LGR6: variants seen among roughly 807,000 people sequenced by gnomAD.
LGR6 encodes the protein leucine rich repeat containing G protein-coupled receptor 6.
A neutral mutation model predicts 69.4 loss-of-function variants in LGR6; 45 were observed. That is an observed-to-expected ratio of 0.65 (90% CI 0.51 to 0.83). The LOEUF is 0.83. LGR6 is among the 40% of genes least tolerant of loss of function. The pLI is 0.00. For synonymous variants in LGR6, 538 were observed against 555.0 expected (o/e 0.97, Z 0.43); for missense variants, 1,108 against 1,246.7 (o/e 0.89, Z 1.68).
At chr1:202,266,106 T>TAAAAAAAAAAAAAAAAA in intron 4 of LGR6, among the ~76,000 whole-genome samples, 1 of 143,870 alleles carries the variant, frequency 7.0e-6, no homozygotes. Flanking sequence ...CTTTCCAGAT[T>TAAAAAAAAAAAAAAAAA]AAAAAAAAAA....
chr1:202,277,364 T>A (rs1343151412), intron 5 of LGR6, among the ~76,000 whole-genome samples: 1 of 151,958 alleles, frequency 6.6e-6, no homozygotes, highest in Non-Finnish European at 1.5e-5. Flanking sequence ...TAATTCTCTG[T>A]CCTGGGAAGC....
chr1:202,274,691 G>A (rs1003945361), intron 4 of LGR6, among the ~76,000 whole-genome samples: 8 of 152,222 alleles, frequency 5.3e-5, no homozygotes, highest in Non-Finnish European at 1.0e-4. Context: ...TGCTGGGGCT[G>A]ATGGTCCATG....
intron 1 of LGR6, among the ~76,000 whole-genome samples, chr1:202,207,782 T>G (rs886135839): frequency 3.9e-5 from 6 of 152,190 alleles, no homozygotes; most frequent in Non-Finnish European, 8.8e-5. Context: ...AGTTAATATA[T>G]GCAAAGTGCC....
intron 6 of LGR6, among the ~76,000 whole-genome samples, chr1:202,293,172 G>A (rs1666913976): frequency 6.6e-6 from 1 of 152,202 alleles, no homozygotes; most frequent in Non-Finnish European, 1.5e-5. Context: ...CAGATAAGAA[G>A]TGTATAGCAG....
intron 4 of LGR6, among the ~76,000 whole-genome samples, chr1:202,240,170 C>T (rs985946682): frequency 2.0e-5 from 3 of 152,066 alleles, no homozygotes; most frequent in South Asian, 2.1e-4. Context: ...CTCAGGAGTT[C>T]AAGACCAGCC....
chr1:202,288,686 G>A (rs1330004946), intron 6 of LGR6, among the ~76,000 whole-genome samples: 1 of 152,262 alleles, frequency 6.6e-6, no homozygotes, highest in East Asian at 1.9e-4. Context: ...CCAGGAGCTG[G>A]CACAGGTGTC....
intron 4 of LGR6, among the ~76,000 whole-genome samples, chr1:202,265,599 T>C (rs983603304): frequency 1.3e-5 from 2 of 152,198 alleles, no homozygotes; most frequent in Non-Finnish European, 2.9e-5. Flanking sequence ...AACAGTGAAC[T>C]CAAAGAACAC....
Position 202,307,261 on chromosome 1 carries a change from G to A in LGR6, c.1209-69G>A, listed in dbSNP as rs535861752. 16 of 1,455,156 alleles carry A rather than the reference G, an allele frequency of 1.1e-5. No individual in the cohort carries two copies. The South Asian group carries it at 1.7e-4, about 16-fold the overall frequency. The allele number at this position is 1,455,156 out of a possible 1,614,324, so 90.1% of individuals were successfully genotyped here. ...GTCAGATGGGGGTATGTGAGGGGGA[G>A]CCCATGATGGGAACAGTGAGTCCTC... On this transcript the variant is annotated intron_variant, in intron 13 of 17. Coordinates refer to ENST00000367278, the MANE Select transcript of LGR6 (RefSeq NM_001017403.2).
intron 1 of LGR6, among the ~76,000 whole-genome samples, chr1:202,218,480 T>C (rs765241021): frequency 3.0e-4 from 45 of 152,110 alleles, no homozygotes; most frequent in Non-Finnish European, 4.6e-4. Context: ...TAATTTTGTA[T>C]AGGGATGAGG....
At chr1:202,252,486 C>T (rs1448031050) in intron 4 of LGR6, among the ~76,000 whole-genome samples, 1 of 152,208 alleles carries the variant, frequency 6.6e-6, no homozygotes, top group Non-Finnish European at 1.5e-5. Flanking sequence ...GGTGCAGCCC[C>T]TGGGCTCCTG....
At chr1:202,259,635 G>A (rs1048311977) in intron 4 of LGR6, among the ~76,000 whole-genome samples, 2 of 152,016 alleles carry the variant, frequency 1.3e-5, no homozygotes, top group Non-Finnish European at 2.9e-5. Flanking sequence ...CTTTTTAAAG[G>A]CTTAATTGAT....
chr1:202,235,796 G>A (rs1043909702), intron 3 of LGR6, 126 bp from the exon 4 acceptor site: 17 of 740,058 alleles, frequency 2.3e-5, no homozygotes, highest in Non-Finnish European at 3.5e-5. Flanking sequence ...CTCTCTCTGG[G>A]GCTCTGAGGC....
At chr1:202,317,922 C>A (rs374596171) in intron 17 of LGR6, 30 bp from the exon 18 acceptor site, 95 of 1,559,364 alleles carry the variant, frequency 6.1e-5, no homozygotes, top group Non-Finnish European at 7.6e-5. Context: ...CATCCTCTGG[C>A]CCAGGGTTAA....
chr1:202,204,018 TTGTC>T, intron 1 of LGR6: 2 of 667,652 alleles, frequency 3.0e-6, no homozygotes, highest in Non-Finnish European at 5.5e-6. Context: ...GTCTGTATGT[TTGTC>T]TGATTGTGAT....
chr1:202,306,762 CAGG>C (rs1197619842), intron 12 of LGR6, 103 bp from the exon 13 acceptor site: 15 of 1,016,106 alleles, frequency 1.5e-5, no homozygotes, highest in Non-Finnish European at 2.3e-5. Context: ...CTTCCTGTGC[CAGG>C]AGAAGTGGGG....
At chr1:202,262,935 CTTTTATTTTATTTTATTTTATTTTA>C (rs58749601) in intron 4 of LGR6, among the ~76,000 whole-genome samples, 1 of 146,836 alleles carries the variant, frequency 6.8e-6, no homozygotes, top group Admixed American at 6.8e-5. Context: ...TGAAACTTGC[CTTTTATTTTATTTTATTTTATTTTA>C]TTTTATTTTA....
intron 1 of LGR6, among the ~76,000 whole-genome samples, chr1:202,206,741 A>G (rs1206322262): frequency 1.3e-5 from 2 of 151,988 alleles, no homozygotes; most frequent in Non-Finnish European, 1.5e-5. Context: ...TAAAATTAAA[A>G]AACTTAAAAC....
intron 4 of LGR6, among the ~76,000 whole-genome samples, chr1:202,253,505 A>G (rs2148069416): frequency 6.7e-6 from 1 of 150,368 alleles, no homozygotes; most frequent in African/African-American, 2.5e-5. Context: ...GGGTTTCACC[A>G]TGTTGGTCAG....
chr1:202,204,686 C>T (rs1423104729), intron 1 of LGR6, among the ~76,000 whole-genome samples: 6 of 108,264 alleles, frequency 5.5e-5, no homozygotes, highest in South Asian at 3.5e-4. Flanking sequence ...CAAACACACA[C>T]ACACCCCCAA....
Sources: gnomAD v4.1 joint callset for allele counts (sites outside exome capture counted in the v4.1 genomes callset) on GRCh38, gnomAD v4.1.1 for gene constraint, MANE v1.5 for transcripts, NCBI Gene and HGNC (gene_info 2026-07-23, HGNC 2026-07-21) for gene names.